Variants in SGCD observed in about 807,000 individuals in gnomAD.
SGCD encodes the protein sarcoglycan delta.
SGCD carries 18 observed loss-of-function variants against 36.6 expected under a neutral mutation model. That is an observed-to-expected ratio of 0.49 (90% CI 0.34 to 0.73). The LOEUF is 0.73. Ranked by LOEUF, SGCD falls within the 30% of genes least tolerant of loss-of-function variation. SGCD has a pLI of 0.01. For missense variants in SGCD, 387 were observed against 346.7 expected (o/e 1.12, Z -0.92); for synonymous variants, 133 against 130.6 (o/e 1.02, Z -0.12).
intron 7 of SGCD, among the ~76,000 whole-genome samples, chr5:156,728,971 C>T (rs1053184713): frequency 6.6e-6 from 1 of 152,032 alleles, no homozygotes; most frequent in Non-Finnish European, 1.5e-5. Context: ...AGGAAGAAGC[C>T]CTTGAAACCT....
intron 4 of SGCD, among the ~76,000 whole-genome samples, chr5:156,578,265 A>T (rs1760069306): frequency 6.6e-6 from 1 of 152,202 alleles, no homozygotes. Flanking sequence ...GAATGAAGCC[A>T]CTTGATCATG....
the SGCD span, among the ~76,000 whole-genome samples, chr5:155,856,152 TAAC>T: frequency 2.0e-5 from 3 of 152,078 alleles, no homozygotes; most frequent in Non-Finnish European, 2.9e-5. Context: ...GGAATTGAAA[TAAC>T]ACACACATAC....
chr5:156,649,102 A>C (rs1241724055), intron 7 of SGCD, among the ~76,000 whole-genome samples: 1 of 152,248 alleles, frequency 6.6e-6, no homozygotes, highest in African/African-American at 2.4e-5. Flanking sequence ...CAGAAGACAC[A>C]TGAAAAAGTG....
At chr5:155,898,966 G>C (rs917182721) in intron 1 of SGCD, among the ~76,000 whole-genome samples, 1 of 152,178 alleles carries the variant, frequency 6.6e-6, no homozygotes, top group African/African-American at 2.4e-5. Context: ...GGCTTGCCTG[G>C]AGGAGAATCA....
At chr5:156,595,681 G>T (rs1056005158) in intron 6 of SGCD, among the ~76,000 whole-genome samples, 2 of 152,202 alleles carry the variant, frequency 1.3e-5, no homozygotes, top group African/African-American at 4.8e-5. Context: ...ACTGGCAGGC[G>T]TGCTTGACGC....
the SGCD span, among the ~76,000 whole-genome samples, chr5:155,751,086 C>T: frequency 1.1e-3 from 161 of 152,208 alleles, no homozygotes; most frequent in African/African-American, 3.5e-3. Context: ...GTTTTATATT[C>T]GCTTAACACC....
In SGCD at chr5:156,246,790, C is replaced by T. The variant is rs181571513; in HGVS notation, c.-43-82744C>T. On this transcript the variant is annotated intron_variant, in intron 3 of 9. Transcript: ENST00000517913. ...ACCTTTTTCTATAAATGGCTTTCCGCGTTCCAGGAGTTTTGTAGTGCTAGA... is the reference window on the plus strand; with the variant it reads ...ACCTTTTTCTATAAATGGCTTTCCGTGTTCCAGGAGTTTTGTAGTGCTAGA... Among the ~76,000 whole-genome samples the T allele has an allele frequency of 1.4e-4, 21 of 152,214 alleles. No individual in the cohort carries two copies. In the South Asian group the frequency reaches 1.9e-3, roughly 14 times the overall value.
intron 3 of SGCD, among the ~76,000 whole-genome samples, chr5:156,303,332 T>C (rs7724882): frequency 0.011 from 1,707 of 152,172 alleles, 17 homozygotes; most frequent in African/African-American, 0.018. Context: ...TTAGTTAGCT[T>C]GTGGCAAATG....
chr5:156,372,745 G>A (rs1770453136), intron 3 of SGCD, among the ~76,000 whole-genome samples: 1 of 152,172 alleles, frequency 6.6e-6, no homozygotes, highest in African/African-American at 2.4e-5. Context: ...ACATTTTGAA[G>A]CTTTTAAAAC....
At chr5:156,331,128 A>C (rs539997086) in intron 2 of SGCD, among the ~76,000 whole-genome samples, 1 of 152,352 alleles carries the variant, frequency 6.6e-6, no homozygotes, top group South Asian at 2.1e-4. Flanking sequence ...GAGTTCAAAC[A>C]ATCAGCAAAG....
At chr5:156,536,070 G>A (rs1053224333) in intron 4 of SGCD, among the ~76,000 whole-genome samples, 6 of 151,990 alleles carry the variant, frequency 3.9e-5, no homozygotes, top group Non-Finnish European at 5.9e-5. Context: ...TTGATAATGG[G>A]GATATTTAAT....
intron 1 of SGCD, among the ~76,000 whole-genome samples, chr5:155,940,191 A>C (rs906811832): frequency 6.6e-6 from 1 of 152,154 alleles, no homozygotes; most frequent in Non-Finnish European, 1.5e-5. Context: ...TTCAAAGCTC[A>C]TTATTATCAG....
intron 1 of SGCD, among the ~76,000 whole-genome samples, chr5:156,031,590 A>C (rs1278523730): frequency 6.6e-6 from 1 of 152,224 alleles, no homozygotes. Context: ...AAGCTCCCTG[A>C]GGATAATGTC....
the SGCD span, among the ~76,000 whole-genome samples, chr5:155,840,777 C>T: frequency 8.3e-4 from 126 of 151,136 alleles, 1 homozygote; most frequent in Admixed American, 3.7e-3. Flanking sequence ...TTAGGGAGGC[C>T]GAGGCAGGCA....
At chr5:156,473,156 C>T (rs1421480450) in intron 3 of SGCD, among the ~76,000 whole-genome samples, 2 of 152,190 alleles carry the variant, frequency 1.3e-5, no homozygotes, top group Admixed American at 1.3e-4. Flanking sequence ...CTTATTTTAC[C>T]AACTGTGCAA....
the SGCD span, among the ~76,000 whole-genome samples, chr5:155,817,587 T>C: frequency 6.6e-6 from 1 of 152,292 alleles, no homozygotes; most frequent in East Asian, 1.9e-4. Context: ...TACTCTCATT[T>C]GCCTTTTTAG....
At chr5:156,651,049 G>T (rs1386185903) in intron 7 of SGCD, among the ~76,000 whole-genome samples, 1 of 152,060 alleles carries the variant, frequency 6.6e-6, no homozygotes, top group Admixed American at 6.6e-5. Flanking sequence ...TTGTGATTTT[G>T]ATTTGTGGTG....
At chr5:155,816,121 A>G in the SGCD span, among the ~76,000 whole-genome samples, 1 of 152,196 alleles carries the variant, frequency 6.6e-6, no homozygotes, top group Non-Finnish European at 1.5e-5. Context: ...GGATAAAAGC[A>G]AATAGAATCT....
intron 3 of SGCD, among the ~76,000 whole-genome samples, chr5:156,404,773 A>C (rs1196500608): frequency 6.6e-6 from 1 of 152,232 alleles, no homozygotes; most frequent in Non-Finnish European, 1.5e-5. Context: ...CCTTTAAAAT[A>C]TTTTGGTATG....
Sources: allele counts gnomAD v4.1 joint callset (sites outside exome capture counted in the v4.1 genomes callset), GRCh38; gene constraint gnomAD v4.1.1; transcripts MANE v1.5; gene names NCBI Gene and HGNC (gene_info 2026-07-23, HGNC 2026-07-21).